CLIC2: variants seen among roughly 807,000 people sequenced by gnomAD.
CLIC2 encodes the protein CLIC family member 2.
A neutral mutation model predicts 14.8 loss-of-function variants in CLIC2; 9 were observed. The observed-to-expected ratio is 0.61, with a 90% CI of 0.37 to 1.06. The LOEUF is 1.06. CLIC2 is among the 50% of genes least tolerant of loss of function. The pLI is 0.01. For synonymous variants in CLIC2, 61 were observed against 66.3 expected (o/e 0.92, Z 0.39); for missense variants, 148 against 181.4 (o/e 0.82, Z 1.06).
intron 1 of CLIC2, among the ~76,000 whole-genome samples, chrX:155,317,862 C>T (rs1272333727): frequency 8.9e-6 from 1 of 111,935 alleles, no homozygotes; most frequent in East Asian, 2.8e-4. Context: ...CCACCATGAT[C>T]AAGTGAGTTT....
intron 3 of CLIC2, chrX:155,293,134 A>G: frequency 1.6e-6 from 1 of 634,992 alleles, no homozygotes; most frequent in South Asian, 2.2e-5. Flanking sequence ...GCGGAAAAAT[A>G]AAGGCACTTC....
chrX:155,302,704 C>G (rs1446970503), intron 1 of CLIC2, among the ~76,000 whole-genome samples: 5 of 70,881 alleles, frequency 7.1e-5, no homozygotes, highest in African/African-American at 2.4e-4. Flanking sequence ...CCTGCTTTCT[C>G]TTGTGGGCAT....
At chrX:155,283,155 T>A (rs1426633460) in intron 3 of CLIC2, among the ~76,000 whole-genome samples, 1 of 112,590 alleles carries the variant, frequency 8.9e-6, no homozygotes, top group Non-Finnish European at 1.9e-5. Flanking sequence ...ATACAGAATA[T>A]TCACCAGGAT....
chrX:155,280,990 G>GATATATAT (rs373277985), intron 3 of CLIC2, among the ~76,000 whole-genome samples: 1,459 of 89,816 alleles, frequency 0.016, 18 homozygotes, highest in East Asian at 0.081. Flanking sequence ...GAAATTGTGA[G>GATATATAT]ATATATATAT....
chrX:155,313,485 C>G (rs1351506841), intron 1 of CLIC2, among the ~76,000 whole-genome samples: 1 of 112,078 alleles, frequency 8.9e-6, no homozygotes, highest in Non-Finnish European at 1.9e-5. Context: ...CAATGGTAGA[C>G]TGGATAAAGA....
intron 1 of CLIC2, among the ~76,000 whole-genome samples, chrX:155,325,660 T>C (rs2075133615): frequency 9.6e-6 from 1 of 104,426 alleles, no homozygotes; most frequent in African/African-American, 3.5e-5. Context: ...GACGGGTTGA[T>C]GGGTGCAGCA....
intron 3 of CLIC2, among the ~76,000 whole-genome samples, chrX:155,297,723 G>A (rs1201148121): frequency 9.9e-6 from 1 of 101,297 alleles, no homozygotes; most frequent in Non-Finnish European, 2.0e-5. Flanking sequence ...GCGTGGTGGC[G>A]GGCATCTGTA....
At chrX:155,288,013 A>G (rs2074949125) in intron 3 of CLIC2, among the ~76,000 whole-genome samples, 2 of 111,575 alleles carry the variant, frequency 1.8e-5, no homozygotes, top group African/African-American at 6.5e-5. Context: ...GTGTGTGGCA[A>G]TTGTGAATGG....
At position 155,333,577 on chromosome X, in the gene CLIC2, G is replaced by A. The variant is rs782725743; in HGVS notation, c.57+794C>T. On this transcript the variant is annotated intron_variant, in intron 1 of 5. Transcript: ENST00000369449. ...TGAAAATAAAGGGAAAAGCTACACA[G>A]TTAATGTAAGCGAGGATTTAGTAAG... Among the ~76,000 whole-genome samples the A allele has an allele frequency of 3.1e-4, 34 of 111,064 alleles. No individual in the cohort carries two copies. In the South Asian group the frequency reaches 4.9e-3, roughly 16 times the overall value.
At chrX:155,280,561 C>T (rs782562614) in intron 3 of CLIC2, among the ~76,000 whole-genome samples, 4 of 110,483 alleles carry the variant, frequency 3.6e-5, no homozygotes, top group South Asian at 3.9e-4. Flanking sequence ...GGCGTGGTGG[C>T]GGGCGCCTGT....
At chrX:155,279,429 A>G (rs1423573468) in intron 4 of CLIC2, 99 bp from the exon 5 acceptor site, 1 of 608,731 alleles carries the variant, frequency 1.6e-6, no homozygotes, top group Non-Finnish European at 2.7e-6. Context: ...CTCTATCTAT[A>G]CATACTACTT....
chrX:155,320,647 C>A (rs1384287579), intron 1 of CLIC2, among the ~76,000 whole-genome samples: 2 of 111,629 alleles, frequency 1.8e-5, no homozygotes, highest in Non-Finnish European at 3.8e-5. Flanking sequence ...AACCAGAATG[C>A]CTCTTCTCCT....
chrX:155,302,161 T>G (rs1339111039), intron 1 of CLIC2, among the ~76,000 whole-genome samples: 19 of 107,343 alleles, frequency 1.8e-4, no homozygotes, highest in African/African-American at 6.4e-4. Flanking sequence ...ATGGTACCAG[T>G]TCCTCCTTGT....
intron 1 of CLIC2, among the ~76,000 whole-genome samples, chrX:155,306,839 G>T (rs2075057483): frequency 9.0e-6 from 1 of 111,144 alleles, no homozygotes. Context: ...TGAGAGGTTT[G>T]CCCTCATGAT....
At chrX:155,314,449 G>C (rs73574855) in intron 1 of CLIC2, among the ~76,000 whole-genome samples, 153 of 112,119 alleles carry the variant, frequency 1.4e-3, no homozygotes, top group African/African-American at 4.8e-3. Context: ...GAAGCCAGTA[G>C]CTCCGCTAGG....
intron 3 of CLIC2, among the ~76,000 whole-genome samples, chrX:155,297,884 A>AAAAAAAAAAAAAAAAGAAG (rs1557318527): frequency 1.1e-4 from 5 of 45,228 alleles, no homozygotes; most frequent in Admixed American, 3.2e-4. Flanking sequence ...AAAAAAAAAA[A>AAAAAAAAAAAAAAAAGAAG]AAGAAGGTGA....
chrX:155,320,793 T>C (rs1407361132), intron 1 of CLIC2, among the ~76,000 whole-genome samples: 1 of 111,241 alleles, frequency 9.0e-6, no homozygotes, highest in Non-Finnish European at 1.9e-5. Flanking sequence ...TCTAACCCAA[T>C]GCAAAGAAGC....
At chrX:155,298,981 A>T in intron 2 of CLIC2, 55 bp downstream of exon 2, 1 of 1,163,055 alleles carries the variant, frequency 8.6e-7, no homozygotes, top group Non-Finnish European at 1.2e-6. Context: ...CCAATATTTT[A>T]TTGGTATCTA....
intron 3 of CLIC2, 32 bp downstream of exon 3, chrX:155,298,753 T>C: frequency 8.3e-7 from 1 of 1,204,282 alleles, no homozygotes; most frequent in Non-Finnish European, 1.1e-6. Context: ...ATAGATTATC[T>C]TCAGCAAAAT....
Sources: allele counts gnomAD v4.1 joint callset (sites outside exome capture counted in the v4.1 genomes callset), GRCh38; gene constraint gnomAD v4.1.1; transcripts MANE v1.5; gene names NCBI Gene and HGNC (gene_info 2026-07-23, HGNC 2026-07-21).